FHIT: variants seen among roughly 807,000 people sequenced by gnomAD.
The protein encoded by FHIT is fragile histidine triad diadenosine triphosphatase.
Under a neutral mutation model 17.9 loss-of-function variants are expected in FHIT, and 19 were observed. The ratio of observed to expected loss-of-function variants is 1.06; its 90% CI spans 0.74 to 1.56. FHIT has a LOEUF of 1.56. FHIT is among the 40% of genes most tolerant of loss of function. The pLI is 0.00. For missense variants in FHIT, 248 were observed against 189.2 expected, an observed-to-expected ratio of 1.31 and a Z score of -1.82; for synonymous variants, 81 against 69.7, an observed-to-expected ratio of 1.16 and a Z score of -0.81.
intron 3 of FHIT, among the ~76,000 whole-genome samples, chr3:61,012,356 A>G (rs2031840054): frequency 6.6e-6 from 1 of 152,202 alleles, no homozygotes; most frequent in Non-Finnish European, 1.5e-5. Flanking sequence ...TCTCTCAATA[A>G]AATTGAAGTA....
intron 3 of FHIT, among the ~76,000 whole-genome samples, chr3:60,874,106 G>T (rs1553755710): frequency 1.3e-5 from 2 of 152,122 alleles, no homozygotes; most frequent in African/African-American, 2.4e-5. Context: ...GTAACCTGGG[G>T]CATGATATTG....
chr3:60,102,491 C>T (rs1704234877), intron 5 of FHIT, among the ~76,000 whole-genome samples: 1 of 152,130 alleles, frequency 6.6e-6, no homozygotes, highest in South Asian at 2.1e-4. Context: ...GGGGTTCTTA[C>T]TTATGGTTCT....
chr3:59,862,703 C>T (rs1702461110), intron 8 of FHIT, among the ~76,000 whole-genome samples: 1 of 152,184 alleles, frequency 6.6e-6, no homozygotes, highest in South Asian at 2.1e-4. Flanking sequence ...TTGCAGAAAT[C>T]ACCACTAGTG....
intron 5 of FHIT, among the ~76,000 whole-genome samples, chr3:60,360,793 C>G (rs916700154): frequency 6.6e-6 from 1 of 152,154 alleles, no homozygotes; most frequent in African/African-American, 2.4e-5. Flanking sequence ...CACCATGTCT[C>G]CACTGACCCA....
chr3:60,371,365 CTTTT>C (rs56390367), intron 5 of FHIT, among the ~76,000 whole-genome samples: 2 of 148,886 alleles, frequency 1.3e-5, no homozygotes, highest in Admixed American at 1.3e-4. Flanking sequence ...TTTCTTCTAG[CTTTT>C]TTTTTTAAGA....
intron 4 of FHIT, among the ~76,000 whole-genome samples, chr3:60,770,587 G>C (rs1700011933): frequency 6.6e-6 from 1 of 152,118 alleles, no homozygotes; most frequent in Non-Finnish European, 1.5e-5. Context: ...TCCAGATTTG[G>C]GGATGTTAGG....
rs529560013 is a variant in FHIT, at chr3:60,570,005, A to T, written c.-17-33026T>A. ...CAATCATTACTACAATCAATTCTAG[A>T]ATGTTTTCATCACTGCCTAGGGATC... On this transcript the variant is annotated intron_variant, in intron 4 of 9. Coordinates refer to ENST00000492590, the MANE Select transcript of FHIT (RefSeq NM_002012.4). Among the ~76,000 whole-genome samples, 200 of 152,072 alleles carry T rather than the reference A, an allele frequency of 1.3e-3. 3 individuals carry two copies. The highest frequency in any genetic ancestry group is 4.5e-3 in the African/African-American group (187 of 41,500).
intron 3 of FHIT, among the ~76,000 whole-genome samples, chr3:60,913,452 G>C (rs1292846385): frequency 6.6e-6 from 1 of 152,172 alleles, no homozygotes; most frequent in Non-Finnish European, 1.5e-5. Context: ...TCTCACCCTA[G>C]ACCTTCTGTA....
At chr3:60,759,531 G>C (rs1373937701) in intron 4 of FHIT, among the ~76,000 whole-genome samples, 1 of 152,128 alleles carries the variant, frequency 6.6e-6, no homozygotes, top group Non-Finnish European at 1.5e-5. Flanking sequence ...TTTAAGGATG[G>C]AGCCCTGAGT....
intron 1 of FHIT, among the ~76,000 whole-genome samples, chr3:61,232,692 C>T (rs2040136125): frequency 6.6e-6 from 1 of 152,106 alleles, no homozygotes; most frequent in South Asian, 2.1e-4. Context: ...ATGTAGTAGG[C>T]CAGACCACAG....
intron 5 of FHIT, among the ~76,000 whole-genome samples, chr3:60,213,795 T>C (rs1000247047): frequency 6.6e-6 from 1 of 152,242 alleles, no homozygotes; most frequent in African/African-American, 2.4e-5. Context: ...GATCACCTAA[T>C]TAGCAGATGA....
intron 4 of FHIT, among the ~76,000 whole-genome samples, chr3:60,715,321 C>G (rs2041653968): frequency 1.3e-5 from 2 of 152,018 alleles, no homozygotes. Flanking sequence ...AGACCTAAAA[C>G]CATACCATAT....
intron 5 of FHIT, among the ~76,000 whole-genome samples, chr3:60,044,854 T>C (rs754095407): frequency 9.2e-5 from 14 of 152,048 alleles, no homozygotes; most frequent in Non-Finnish European, 1.8e-4. Context: ...CACTGGAAAG[T>C]GTCCCCATGC....
intron 5 of FHIT, among the ~76,000 whole-genome samples, chr3:60,519,000 C>G (rs1054647895): frequency 5.9e-5 from 9 of 152,050 alleles, no homozygotes; most frequent in Non-Finnish European, 1.2e-4. Flanking sequence ...GTGAGACTGT[C>G]TAAAAAACAA....
At chr3:60,492,601 G>C (rs2034113843) in intron 5 of FHIT, among the ~76,000 whole-genome samples, 1 of 151,038 alleles carries the variant, frequency 6.6e-6, no homozygotes, top group East Asian at 2.0e-4. Flanking sequence ...CCACCTCCCA[G>C]GTTCAAGCGA....
chr3:61,192,848 C>CATA (rs1194209211), intron 2 of FHIT, among the ~76,000 whole-genome samples: 18 of 152,220 alleles, frequency 1.2e-4, no homozygotes, highest in African/African-American at 3.9e-4. Flanking sequence ...TCATGGGAGT[C>CATA]ATAAAGTACC....
chr3:60,336,365 G>C (rs1328578027), intron 5 of FHIT, among the ~76,000 whole-genome samples: 1 of 152,198 alleles, frequency 6.6e-6, no homozygotes, highest in Non-Finnish European at 1.5e-5. Context: ...TAGTTACAAA[G>C]GAGATTAAAA....
intron 8 of FHIT, among the ~76,000 whole-genome samples, chr3:59,760,219 G>A (rs1019678319): frequency 6.6e-6 from 1 of 152,148 alleles, no homozygotes; most frequent in Non-Finnish European, 1.5e-5. Flanking sequence ...ATATTAATTA[G>A]TGGCATCCCA....
At position 61,151,342 on chromosome 3, in the gene FHIT, C is replaced by T. The variant is rs2037381187; in HGVS notation, c.-164+49275G>A. ...CTGCAGCTACCCTTTTAAGTAAGTCCCACTCATTTCCAGGAATGGCATACT... is the reference window on the plus strand; with the variant it reads ...CTGCAGCTACCCTTTTAAGTAAGTCTCACTCATTTCCAGGAATGGCATACT... On this transcript the variant is annotated intron_variant, in intron 2 of 9. Coordinates refer to ENST00000492590, the MANE Select transcript of FHIT (RefSeq NM_002012.4). 2.0e-5 allele frequency among the ~76,000 whole-genome samples: 3 copies of T among 152,226 alleles called. No individual in the cohort carries two copies. In the South Asian group the frequency reaches 6.2e-4, roughly 32 times the overall value.
Sources: allele counts gnomAD v4.1 joint callset (sites outside exome capture counted in the v4.1 genomes callset), GRCh38; gene constraint gnomAD v4.1.1; transcripts MANE v1.5; gene names NCBI Gene and HGNC (gene_info 2026-07-23, HGNC 2026-07-21).